Variants in MID1 observed in about 807,000 individuals in gnomAD.
The protein encoded by MID1 is midline 1.
Under a neutral mutation model 40.4 loss-of-function variants are expected in MID1, and 7 were observed. The observed-to-expected ratio is 0.17, with a 90% confidence interval of 0.10 to 0.33. The LOEUF is 0.33. MID1 is among the 10% of genes least tolerant of loss of function. MID1 has a pLI of 1.00. For missense variants in MID1, 367 were observed against 558.5 expected, an observed-to-expected ratio of 0.66 and a Z score of 3.46; for synonymous variants, 229 against 221.2, an observed-to-expected ratio of 1.04 and a Z score of -0.31.
chrX:10,663,189 A>G (rs975626638), intron 1 of MID1, among the ~76,000 whole-genome samples: 5 of 111,329 alleles, frequency 4.5e-5, no homozygotes, highest in African/African-American at 1.6e-4. Context: ...GTTTTAAAGT[A>G]TATTCCCAGT....
rs553301084 is a variant in MID1 at position 10,565,470 on chromosome X, G to T, written c.660+1418C>A. The T allele has an allele frequency of 5.0e-4, 165 of 329,852 alleles. 2 individuals are homozygous for T. The highest frequency in any genetic ancestry group is 4.3e-3 in the South Asian group (163 of 38,340). 27.2% of individuals were successfully genotyped at this position (329,852 alleles called of 1,213,427 possible). A position where few individuals can be genotyped will look rare whatever the true frequency, so the allele number is the denominator to read the frequency against. ...CACAACCACCCATTAGCGCTAAGGA[G>T]AGGTGATAGAAACCATTTGTTAAAG... On this transcript the variant is annotated intron_variant, in intron 2 of 9. Transcript: ENST00000317552.
chrX:10,593,239 AATG>A (rs1281973940), intron 1 of MID1, among the ~76,000 whole-genome samples: 1 of 112,525 alleles, frequency 8.9e-6, no homozygotes, highest in East Asian at 2.8e-4. Flanking sequence ...GTAAAAAATG[AATG>A]ATAATTTTAA....
rs941323671 is a variant in MID1 at position 10,578,565 on chromosome X, T to G, written c.-56-10962A>C. Among the ~76,000 whole-genome samples, 3 of 112,878 alleles carry G rather than the reference T, an allele frequency of 2.7e-5. No individual in the cohort carries two copies. The Admixed American group carries it at 2.8e-4, about 11-fold the overall frequency. ...TGAATGTCTCAGACATTTCATGTCT[T>G]TTACAGTTTAAGAAATAAAGCATTT... On this transcript the variant is annotated intron_variant, in intron 1 of 9. Transcript: ENST00000317552.
chrX:10,752,898 G>A (rs1023341033), intron 1 of MID1, among the ~76,000 whole-genome samples: 4 of 112,048 alleles, frequency 3.6e-5, no homozygotes, highest in Non-Finnish European at 5.6e-5. Flanking sequence ...CCTACCTGTC[G>A]TGCAAATCCC....
intron 1 of MID1, among the ~76,000 whole-genome samples, chrX:10,640,828 G>A (rs1352012464): frequency 9.0e-6 from 1 of 111,631 alleles, no homozygotes; most frequent in African/African-American, 3.3e-5. Flanking sequence ...TCAGACCACA[G>A]TGCAATCAAA....
In MID1 at chrX:10,674,881, G is replaced by A. The variant is rs150593054; in HGVS notation, c.-186-54462C>T. The stretch of plus-strand genomic sequence containing the variant: ...AATTGACTTTCATTTTTTGGCAAAG[G>A]ATATCTCAGGCAAATAATTATTTCA... On this transcript the variant is annotated intron_variant, in intron 1 of 10. Transcript: ENST00000380785. Among the ~76,000 whole-genome samples the A allele has an allele frequency of 7.1e-5, 8 of 112,039 alleles. No homozygotes were observed. In the East Asian group the frequency reaches 2.2e-3, roughly 31 times the overall value.
intron 1 of MID1, among the ~76,000 whole-genome samples, chrX:10,817,564 C>CTTTCTT (rs1569177972): frequency 2.2e-5 from 2 of 90,830 alleles, no homozygotes; most frequent in Admixed American, 2.4e-4. Flanking sequence ...TTCTTTCTTT[C>CTTTCTT]TTTCTTTCTC....
At chrX:10,618,579 C>T (rs111410824) in intron 1 of MID1, among the ~76,000 whole-genome samples, 4,709 of 111,641 alleles carry the variant, frequency 0.042, 92 homozygotes, top group African/African-American at 0.078. Flanking sequence ...GAAAAGTTGC[C>T]CATTCATTAA....
chrX:10,638,244 T>TC (rs1936143261), intron 1 of MID1, among the ~76,000 whole-genome samples: 1 of 111,508 alleles, frequency 9.0e-6, no homozygotes, highest in South Asian at 3.8e-4. Context: ...GTTGGGGAAT[T>TC]CCCTTTCCTA....
At chrX:10,687,528 T>C (rs2043107441) in intron 1 of MID1, among the ~76,000 whole-genome samples, 1 of 112,365 alleles carries the variant, frequency 8.9e-6, no homozygotes, top group Non-Finnish European at 1.9e-5. Context: ...AACAGTATGT[T>C]AGATATGTTA....
chrX:10,501,452 T>A (rs745393295), intron 3 of MID1: 12 of 1,153,422 alleles, frequency 1.0e-5, no homozygotes, highest in Non-Finnish European at 1.4e-5. Context: ...TTGAAATGCA[T>A]CTTCTCCCCA....
chrX:10,573,516 C>A (rs1365395055), intron 1 of MID1, among the ~76,000 whole-genome samples: 3 of 112,265 alleles, frequency 2.7e-5, no homozygotes, highest in African/African-American at 9.7e-5. Flanking sequence ...ATCCCCATGA[C>A]CCAGACATCT....
At chrX:10,607,322 T>G (rs2147527765) in intron 1 of MID1, among the ~76,000 whole-genome samples, 1 of 112,040 alleles carries the variant, frequency 8.9e-6, no homozygotes, top group East Asian at 2.8e-4. Flanking sequence ...GTAGACATTT[T>G]GCAATGTGCT....
intron 3 of MID1, among the ~76,000 whole-genome samples, chrX:10,514,888 G>T (rs1932325826): frequency 9.0e-6 from 1 of 111,677 alleles, no homozygotes; most frequent in South Asian, 3.8e-4. Flanking sequence ...GTTTAATGAG[G>T]CCCAGAATCT....
At chrX:10,485,876 T>C (rs926863992) in intron 4 of MID1, among the ~76,000 whole-genome samples, 4 of 111,382 alleles carry the variant, frequency 3.6e-5, no homozygotes, top group Admixed American at 2.9e-4. Context: ...TCTTAAACTT[T>C]TAAGATTTAG....
chrX:10,623,575 T>C (rs1166120526), upstream of MID1, among the ~76,000 whole-genome samples: 1 of 112,166 alleles, frequency 8.9e-6, no homozygotes, highest in Non-Finnish European at 1.9e-5. Context: ...TGGATAGTCC[T>C]GGACAGGCAG....
chrX:10,503,200 T>G (rs1159642995), intron 3 of MID1, among the ~76,000 whole-genome samples: 1 of 111,657 alleles, frequency 9.0e-6, no homozygotes, highest in African/African-American at 3.3e-5. Flanking sequence ...CATTCCAGAC[T>G]CTGGGGCAAA....
chrX:10,802,281 A>C (rs1474239799), intron 1 of MID1, among the ~76,000 whole-genome samples: 1 of 112,513 alleles, frequency 8.9e-6, no homozygotes, highest in Non-Finnish European at 1.9e-5. Context: ...CAAACTATGC[A>C]TCTGACAAAG....
chrX:10,577,027 C>T (rs1042744621), intron 1 of MID1: 4 of 111,700 alleles, frequency 3.6e-5, no homozygotes, highest in Non-Finnish European at 7.5e-5. Flanking sequence ...AATCAACTGC[C>T]TTTTCCACGG....
Sources: allele counts gnomAD v4.1 joint callset (sites outside exome capture counted in the v4.1 genomes callset), GRCh38; gene constraint gnomAD v4.1.1; transcripts MANE v1.5; gene names NCBI Gene and HGNC (gene_info 2026-07-23, HGNC 2026-07-21).